The following NLK variants were observed in gnomAD, a reference collection of about 807,000 sequenced individuals.
NLK encodes the protein nemo like kinase.
In NLK, 11 loss-of-function variants were observed where a neutral mutation model predicts 59.0. The ratio of observed to expected loss-of-function variants is 0.19; its 90% confidence interval spans 0.12 to 0.31. The LOEUF (loss-of-function observed/expected upper bound fraction) is 0.31. Among genes scored for constraint, NLK ranks in the 10% least tolerant of loss-of-function variants. NLK has a pLI of 1.00. For missense variants in NLK, 410 were observed against 661.1 expected (o/e 0.62, Z 4.16); for synonymous variants, 235 against 235.9 (o/e 1.00, Z 0.03).
chr17:28,050,426 C>T (rs1394526284), intron 1 of NLK, among the ~76,000 whole-genome samples: 1 of 152,042 alleles, frequency 6.6e-6, no homozygotes, highest in Non-Finnish European at 1.5e-5. Flanking sequence ...ATTAATAAAG[C>T]ATATGTGGAC....
rs1483617375 is a variant in NLK at position 28,043,030 on chromosome 17, C to G, written c.157C>G (p.Leu53Val). ...CCACCACCACCACCCTCAACACCAT[C>G]TTCATCCGGGGTCGGCTGCCGCTGT... ...LHHHHHPQHHLHPGSAAAVHP... is the reference protein window; with the variant it reads ...LHHHHHPQHHVHPGSAAAVHP... The change falls in exon 1 of 11, where the codon CTT becomes GTT. Residue 53 changes from leucine (L) to valine (V), a missense_variant. This residue lies in a region of NLK where 160 missense variants were observed against 171.0 expected (regional missense o/e 0.94). Coordinates refer to ENST00000407008, the MANE Select transcript of NLK (RefSeq NM_016231.5). 3.2e-6 allele frequency: 5 copies of G among 1,556,600 alleles called. No individual in the cohort carries two copies. The South Asian group carries it at 5.9e-5, about 18-fold the overall frequency.
At chr17:28,082,541 T>G (rs1910384198) in intron 1 of NLK, among the ~76,000 whole-genome samples, 1 of 152,146 alleles carries the variant, frequency 6.6e-6, no homozygotes, top group Admixed American at 6.5e-5. Context: ...TCCCTGCCCT[T>G]GTGAATAGGA....
intron 7 of NLK, among the ~76,000 whole-genome samples, chr17:28,177,127 G>A (rs1359263099): frequency 2.6e-5 from 4 of 152,166 alleles, no homozygotes; most frequent in Non-Finnish European, 5.9e-5. Flanking sequence ...TATTGAGTAG[G>A]CTGAGGAGGA....
In NLK at chr17:28,124,815, C is replaced by A. The variant is rs150593226; in HGVS notation, c.588+2083C>A. On this transcript the variant is annotated intron_variant, in intron 2 of 10. Transcript: ENST00000407008. ...TTGTAATCCCAGCACTTTGGGAGGC[C>A]AAGGCAGCTGGATCATTTGAGTCCA... is the stretch of plus-strand genomic sequence containing the variant. Among the ~76,000 whole-genome samples, 1,282 of 151,840 alleles carry A rather than the reference C, an allele frequency of 8.4e-3. 17 individuals are homozygous for A. Among genetic ancestry groups the A allele is most frequent in the African/African-American group, 0.029 (1,204 of 41,416 alleles).
At chr17:28,141,517 C>T (rs1906992814) in intron 3 of NLK, among the ~76,000 whole-genome samples, 1 of 152,138 alleles carries the variant, frequency 6.6e-6, no homozygotes, top group African/African-American at 2.4e-5. Flanking sequence ...ATCATTTGTG[C>T]AGCTTTACAG....
chr17:28,093,779 C>T, intron 1 of NLK, among the ~76,000 whole-genome samples: 1 of 152,212 alleles, frequency 6.6e-6, no homozygotes, highest in East Asian at 1.9e-4. Flanking sequence ...AACAATTCTT[C>T]CCATGAAAAT....
At chr17:28,082,854 A>G (rs778177616) in intron 1 of NLK, among the ~76,000 whole-genome samples, 2 of 152,208 alleles carry the variant, frequency 1.3e-5, no homozygotes, top group Non-Finnish European at 2.9e-5. Context: ...CACTTATCCT[A>G]AAAGATACCT....
At chr17:28,139,230 CAGAG>C (rs1202826825) in intron 3 of NLK, among the ~76,000 whole-genome samples, 1 of 152,156 alleles carries the variant, frequency 6.6e-6, no homozygotes, top group Non-Finnish European at 1.5e-5. Context: ...GCCTGGGTGA[CAGAG>C]AGAGACTCCA....
chr17:28,095,603 T>C (rs1457594912), intron 1 of NLK, among the ~76,000 whole-genome samples: 2 of 152,198 alleles, frequency 1.3e-5, no homozygotes, highest in Non-Finnish European at 2.9e-5. Context: ...GGTGCCAATA[T>C]TATTACTGAT....
intron 1 of NLK, among the ~76,000 whole-genome samples, chr17:28,115,873 CATTTT>C: frequency 6.6e-6 from 1 of 151,370 alleles, no homozygotes; most frequent in South Asian, 2.1e-4. Context: ...TTATAAATTT[CATTTT>C]ATTATTTTTA....
intron 4 of NLK, among the ~76,000 whole-genome samples, chr17:28,162,635 T>C (rs745997824): frequency 1.3e-5 from 2 of 152,006 alleles, no homozygotes; most frequent in Non-Finnish European, 2.9e-5. Flanking sequence ...AGACTCCGTC[T>C]CAAAAAAAAC....
chr17:28,200,802 ATT>A (rs999060239), downstream of NLK, among the ~76,000 whole-genome samples: 2 of 149,692 alleles, frequency 1.3e-5, no homozygotes, highest in African/African-American at 4.9e-5. Context: ...CTTAAAAAAA[ATT>A]TTTTTTTTTC....
chr17:28,202,176 T>G, the NLK span, among the ~76,000 whole-genome samples: 1 of 152,200 alleles, frequency 6.6e-6, no homozygotes, highest in Non-Finnish European at 1.5e-5. Context: ...CAAGAGGTAT[T>G]ACTTGAAGCC....
intron 7 of NLK, among the ~76,000 whole-genome samples, chr17:28,175,445 C>T (rs536959166): frequency 2.0e-5 from 3 of 149,688 alleles, no homozygotes; most frequent in East Asian, 3.9e-4. Context: ...AGCAAGACTT[C>T]GTCTCAAAAA....
chr17:28,117,763 C>T (rs935882688), intron 1 of NLK, among the ~76,000 whole-genome samples: 1 of 151,902 alleles, frequency 6.6e-6, no homozygotes, highest in Admixed American at 6.6e-5. Context: ...ACAGCTAACC[C>T]GACAATTAAC....
At chr17:28,090,884 G>A (rs1323367252) in intron 1 of NLK, among the ~76,000 whole-genome samples, 1 of 151,964 alleles carries the variant, frequency 6.6e-6, no homozygotes, top group Non-Finnish European at 1.5e-5. Context: ...TCCTCTGGCA[G>A]CTTTAAAGAT....
At chr17:28,051,448 TC>T (rs1909252944) in intron 1 of NLK, among the ~76,000 whole-genome samples, 5 of 151,412 alleles carry the variant, frequency 3.3e-5, no homozygotes. Flanking sequence ...AGCCTCCACC[TC>T]CCAGGTTCAA....
chr17:28,061,511 T>C (rs1002665370), intron 1 of NLK, among the ~76,000 whole-genome samples: 1 of 152,154 alleles, frequency 6.6e-6, no homozygotes, highest in African/African-American at 2.4e-5. Flanking sequence ...AGACACTTCA[T>C]GGTATCTGGA....
At chr17:28,111,005 C>T (rs753783235) in intron 1 of NLK, among the ~76,000 whole-genome samples, 85 of 150,650 alleles carry the variant, frequency 5.6e-4, no homozygotes, top group South Asian at 1.0e-3. Flanking sequence ...CCACTACGCC[C>T]GGCTAATTTT....
Sources: allele counts gnomAD v4.1 joint callset (sites outside exome capture counted in the v4.1 genomes callset), GRCh38; gene constraint gnomAD v4.1.1; regional missense constraint gnomAD v4.1.1; transcripts MANE v1.5; gene names NCBI Gene and HGNC (gene_info 2026-07-23, HGNC 2026-07-21).